The following PDE11A variants were observed in gnomAD, a reference collection of about 807,000 sequenced individuals.
PDE11A encodes the protein phosphodiesterase 11A, also known as dual 3',5'-cyclic-AMP and -GMP phosphodiesterase 11A.
Under a neutral mutation model 100.5 loss-of-function variants are expected in PDE11A, and 100 were observed. That is an observed-to-expected ratio of 1.00 (90% CI 0.85 to 1.18). The LOEUF is 1.18. PDE11A is among the 50% of genes most tolerant of loss of function. The probability of loss-of-function intolerance (pLI) is 0.00; values close to 1 mark genes in which losing one functional copy is unlikely to be tolerated. For synonymous variants in PDE11A, 381 were observed against 420.8 expected (o/e 0.91, Z 1.16); for missense variants, 1,141 against 1,152.6 (o/e 0.99, Z 0.15).
chr2:177,730,042 C>T (rs2081659340), intron 10 of PDE11A, among the ~76,000 whole-genome samples: 1 of 152,086 alleles, frequency 6.6e-6, no homozygotes, highest in Non-Finnish European at 1.5e-5. Context: ...TCCCCCTCTG[C>T]ATTTTGATTT....
intron 19 of PDE11A, among the ~76,000 whole-genome samples, chr2:177,660,073 T>C (rs1417956832): frequency 1.3e-4 from 4 of 30,600 alleles, no homozygotes; most frequent in African/African-American, 4.1e-4. Context: ...CTTTCTTTCT[T>C]TCTTTCTTTC....
intron 3 of PDE11A, chr2:177,899,459 T>C (rs1207439522): frequency 4.6e-6 from 1 of 217,268 alleles, no homozygotes; most frequent in Non-Finnish European, 1.0e-5. Flanking sequence ...AAAAACATTT[T>C]ATAAATAATG....
intron 19 of PDE11A, among the ~76,000 whole-genome samples, chr2:177,657,820 G>A (rs1340115051): frequency 2.0e-5 from 3 of 152,204 alleles, no homozygotes; most frequent in Admixed American, 6.5e-5. Context: ...AAGCAAGTTG[G>A]TATCGCCCAG....
intron 4 of PDE11A, among the ~76,000 whole-genome samples, chr2:177,877,994 T>A (rs1250926805): frequency 1.7e-5 from 2 of 120,512 alleles, no homozygotes; most frequent in Non-Finnish European, 3.5e-5. Context: ...TAGGAATAGA[T>A]TAAATATTTA....
At chr2:177,684,102 G>A (rs1272030137) in intron 15 of PDE11A, among the ~76,000 whole-genome samples, 4 of 152,136 alleles carry the variant, frequency 2.6e-5, no homozygotes, top group Non-Finnish European at 4.4e-5. Context: ...TCACTACATA[G>A]AAATTCATCT....
chr2:177,898,804 C>G (rs1043072584), intron 3 of PDE11A, among the ~76,000 whole-genome samples: 1 of 152,070 alleles, frequency 6.6e-6, no homozygotes, highest in Non-Finnish European at 1.5e-5. Flanking sequence ...GAAAAGAAAA[C>G]AAACTGTAAC....
chr2:177,731,803 C>T (rs763540249), intron 10 of PDE11A, among the ~76,000 whole-genome samples: 4 of 152,090 alleles, frequency 2.6e-5, no homozygotes, highest in Non-Finnish European at 4.4e-5. Context: ...TCAGCTTTTC[C>T]CATTGCTAGG....
At chr2:177,906,909 C>T (rs2084798742) in intron 2 of PDE11A, among the ~76,000 whole-genome samples, 1 of 152,080 alleles carries the variant, frequency 6.6e-6, no homozygotes, top group Admixed American at 6.6e-5. Flanking sequence ...TTTTTTCTGC[C>T]ATGGAGACAA....
At chr2:177,848,080 T>C (rs924391251) in intron 5 of PDE11A, among the ~76,000 whole-genome samples, 2 of 152,202 alleles carry the variant, frequency 1.3e-5, no homozygotes, top group African/African-American at 4.8e-5. Flanking sequence ...GCAACATTTA[T>C]TTGTTGTTGA....
At chr2:177,774,880 G>A (rs2082357737) in intron 9 of PDE11A, among the ~76,000 whole-genome samples, 1 of 152,194 alleles carries the variant, frequency 6.6e-6, no homozygotes, top group Non-Finnish European at 1.5e-5. Flanking sequence ...GAGGAACTGA[G>A]GTTGCAGATG....
intron 9 of PDE11A, among the ~76,000 whole-genome samples, chr2:177,772,901 A>T (rs1161117162): frequency 6.6e-6 from 1 of 152,210 alleles, no homozygotes; most frequent in African/African-American, 2.4e-5. Flanking sequence ...TTTCATAAAT[A>T]TTACCTCCAG....
chr2:177,875,892 A>T lies in PDE11A; in HGVS notation c.1334T>A (p.Met445Lys), dbSNP rs767353102. The part of the protein sequence containing the change: ...VVKFTKSFEL[M>K]SPKCSADAEN... The stretch of plus-strand genomic sequence containing the variant: ...AGCATCAGCACTGCACTTTGGGGAC[A>T]TCAATTCAAAGGATTTGGTAAATTT... The change falls in exon 5 of 20, where the codon ATG (methionine) becomes AAG (lysine). Residue 445 changes from methionine to lysine, a missense_variant. Physicochemically the swap from Met to Lys is moderately conservative, Grantham distance 95. Coordinates refer to ENST00000286063, the MANE Select transcript of PDE11A (RefSeq NM_016953.4). 6.2e-6 allele frequency: 10 copies of T among 1,612,348 alleles called. No individual in the cohort carries two copies. Among genetic ancestry groups the T allele is most frequent in the Non-Finnish European group, 4.2e-6 (5 of 1,178,480 alleles).
chr2:177,983,281 A>T (rs1022386421), intron 2 of PDE11A, among the ~76,000 whole-genome samples: 3 of 152,182 alleles, frequency 2.0e-5, no homozygotes, highest in Non-Finnish European at 4.4e-5. Context: ...AAATAATTAC[A>T]CGTGCTAGGG....
rs2079815145 is a variant in PDE11A at position 177,625,200 on chromosome 2, T to A, written c.*4207A>T. The A allele has an allele frequency of 6.5e-6, 1 of 152,674 alleles. No homozygotes were observed. Among genetic ancestry groups the A allele is most frequent in the African/African-American group, 2.4e-5 (1 of 41,474 alleles). 9.5% of individuals were successfully genotyped at this position (152,674 alleles called of 1,614,324 possible). On this transcript the variant is annotated 3_prime_UTR_variant, in exon 20 of 20. Transcript: ENST00000286063. ...CCCCATATATGTAAGTTTTATTATG[T>A]CTTTATTAAGAAGATGACTGCTTTA...
intron 19 of PDE11A, among the ~76,000 whole-genome samples, chr2:177,660,885 C>G (rs1574017639): frequency 6.6e-6 from 1 of 152,202 alleles, no homozygotes. Context: ...AAAAGCTGTA[C>G]CAAAACCATA....
intron 2 of PDE11A, among the ~76,000 whole-genome samples, chr2:177,968,387 G>A (rs10497480): frequency 0.16 from 24,086 of 152,148 alleles, 1,974 homozygotes; most frequent in Middle Eastern, 0.26. Flanking sequence ...GTTAGATTTT[G>A]ATTGATTCCT....
intron 1 of PDE11A, among the ~76,000 whole-genome samples, chr2:178,049,420 T>C (rs890760040): frequency 6.6e-6 from 1 of 152,118 alleles, no homozygotes; most frequent in Non-Finnish European, 1.5e-5. Flanking sequence ...GCTCCCAGCA[T>C]GAGTGACGCA....
chr2:177,694,223 G>A (rs1042598747), intron 15 of PDE11A, among the ~76,000 whole-genome samples: 6 of 152,314 alleles, frequency 3.9e-5, no homozygotes, highest in South Asian at 2.1e-4. Flanking sequence ...TCAGTGATTC[G>A]TCAAATCCCT....
chr2:178,033,026 A>G (rs1426791287), intron 1 of PDE11A, among the ~76,000 whole-genome samples: 3 of 152,216 alleles, frequency 2.0e-5, no homozygotes, highest in Non-Finnish European at 2.9e-5. Flanking sequence ...TGGCAAGGAC[A>G]CAAAACTGGA....
Sources: gnomAD v4.1 joint callset for allele counts (sites outside exome capture counted in the v4.1 genomes callset) on GRCh38, gnomAD v4.1.1 for gene constraint, MANE v1.5 for transcripts, NCBI Gene and HGNC (gene_info 2026-07-23, HGNC 2026-07-21) for gene names.